Variants in GML observed in about 807,000 individuals in gnomAD.
GML encodes the protein glycosylphosphatidylinositol anchored molecule like.
In GML, 5 loss-of-function variants were observed where a neutral mutation model predicts 8.2. The observed-to-expected ratio is 0.61, with a 90% confidence interval of 0.32 to 1.28. The LOEUF is 1.28. Among genes scored for constraint, GML ranks in the 50% most tolerant of loss-of-function variants. The pLI is 0.06. For synonymous variants in GML, 72 were observed against 69.0 expected (o/e 1.04, Z -0.22); for missense variants, 191 against 198.3 (o/e 0.96, Z 0.22).
chr8:142,842,800 A>G (rs760476694), intron 3 of GML, among the ~76,000 whole-genome samples: 29 of 152,304 alleles, frequency 1.9e-4, no homozygotes, highest in South Asian at 4.1e-4. Context: ...GCCTTACTTG[A>G]GAGGATAACG....
At chr8:142,845,394 GT>G (rs1268809094) in intron 3 of GML, among the ~76,000 whole-genome samples, 10 of 152,198 alleles carry the variant, frequency 6.6e-5, no homozygotes, top group Admixed American at 6.5e-5. Flanking sequence ...CCATTGAGTT[GT>G]GGACTTATGG....
At chr8:142,842,787 A>C (rs1356205112) in intron 3 of GML, among the ~76,000 whole-genome samples, 3 of 152,224 alleles carry the variant, frequency 2.0e-5, no homozygotes, top group Non-Finnish European at 4.4e-5. Context: ...ACTCCTCTGC[A>C]CAGCCTTACT....
chr8:142,841,299 G>A, intron 3 of GML, 74 bp downstream of exon 3: 2 of 803,924 alleles, frequency 2.5e-6, no homozygotes, highest in Non-Finnish European at 4.5e-6. Context: ...GCCAGGGCCA[G>A]TCTGCTTTCT....
chr8:142,838,889 G>A (rs894054232), intron 1 of GML, among the ~76,000 whole-genome samples: 7 of 152,182 alleles, frequency 4.6e-5, no homozygotes, highest in African/African-American at 1.7e-4. Flanking sequence ...CTGTCTTCTA[G>A]TATTCCATTG....
intron 3 of GML, among the ~76,000 whole-genome samples, chr8:142,841,452 C>T (rs1328212055): frequency 1.3e-5 from 2 of 152,162 alleles, no homozygotes; most frequent in African/African-American, 4.8e-5. Context: ...ACAATCTGTC[C>T]ACACATCTGC....
intron 1 of GML, among the ~76,000 whole-genome samples, chr8:142,836,540 T>G (rs1816344789): frequency 6.6e-6 from 1 of 152,242 alleles, no homozygotes; most frequent in Non-Finnish European, 1.5e-5. Flanking sequence ...GAGTGAACTG[T>G]GGGTTTATTT....
intron 1 of GML, among the ~76,000 whole-genome samples, chr8:142,835,771 A>G (rs1266073784): frequency 6.6e-6 from 1 of 152,176 alleles, no homozygotes; most frequent in Non-Finnish European, 1.5e-5. Context: ...CCGAAACTGC[A>G]TTCGGCTCTG....
chr8:142,841,166 A>C lies in GML; in HGVS notation c.122A>C (p.Asn41Thr), dbSNP rs370005420. ...GACTGTGCGGTCATAAATGACTTCA[A>C]CTGTCCCAACATTAGAGTATGTCCG... is the stretch of plus-strand genomic sequence containing the variant. ...CHDCAVINDF[N>T]CPNIRVCPYH... The change falls in exon 3 of 4, where the codon AAC becomes ACC. Residue 41 changes from asparagine (N) to threonine (T), a missense_variant. Physicochemically the swap from Asn to Thr is moderately conservative, Grantham distance 65. Transcript: ENST00000220940. 2.8e-5 allele frequency: 44 copies of C among 1,592,108 alleles called. 1 individual carries two copies. In the South Asian group the frequency reaches 4.3e-4, roughly 16 times the overall value.
intron 3 of GML, among the ~76,000 whole-genome samples, chr8:142,842,548 A>G (rs1816447841): frequency 6.6e-6 from 1 of 152,216 alleles, no homozygotes; most frequent in Non-Finnish European, 1.5e-5. Flanking sequence ...CTTGAGTGAG[A>G]TTCGCAAGGT....
intron 1 of GML, 104 bp from the exon 2 acceptor site, chr8:142,840,312 T>G (rs1586543904): frequency 1.4e-6 from 1 of 701,354 alleles, no homozygotes; most frequent in African/African-American, 1.8e-5. Context: ...GGCATTCAGG[T>G]GGGCAGAGTC....
chr8:142,841,126 A>T lies in GML; in HGVS notation c.82A>T (p.Ser28Cys). The T allele has an allele frequency of 6.6e-7, 1 of 1,518,314 alleles. No homozygotes were observed. The highest frequency in any genetic ancestry group is 9.2e-7 in the Non-Finnish European group (1 of 1,092,650). The allele number at this position is 1,518,314 out of a possible 1,614,324, so 94.1% of individuals were successfully genotyped here. ...GCTTTCTCCCCTCTCAGGGACTTACAGTTTGAGATGCCATGACTGTGCGGT... is the reference window on the plus strand; with the variant it reads ...GCTTTCTCCCCTCTCAGGGACTTACTGTTTGAGATGCCATGACTGTGCGGT... ...SATMRAQWTY[S>C]LRCHDCAVIN... Residue 28 changes from serine (S) to cysteine (C), a missense_variant, in exon 3 of 4, where the codon AGT becomes TGT. By Grantham distance (112) the Ser-to-Cys change is moderately radical. Coordinates refer to ENST00000220940, the MANE Select transcript of GML (RefSeq NM_002066.3).
chr8:142,843,034 A>G (rs1485005879), intron 3 of GML, among the ~76,000 whole-genome samples: 2 of 152,218 alleles, frequency 1.3e-5, no homozygotes, highest in Non-Finnish European at 2.9e-5. Flanking sequence ...GATGGATATT[A>G]GGACAAAGAA....
chr8:142,838,528 C>T (rs1333410481), intron 1 of GML, among the ~76,000 whole-genome samples: 3 of 152,144 alleles, frequency 2.0e-5, no homozygotes, highest in Non-Finnish European at 4.4e-5. Flanking sequence ...TTTATGATCA[C>T]ACAGTCATAC....
chr8:142,846,637 T>C lies in GML; in HGVS notation c.424T>C (p.Ser142Pro). 1 of 1,614,082 alleles carries C rather than the reference T, an allele frequency of 6.2e-7. No individual in the cohort carries two copies. Among genetic ancestry groups the C allele is most frequent in the Non-Finnish European group, 8.5e-7 (1 of 1,179,944 alleles). ...AGAAGGAACTGTGAGGCTGGGGGTA[T>C]CAAAACTGTTGCTGAGTTTTGCCTC... ...LPEGTVRLGVSKLLLSFASII... is the reference protein window; with the variant it reads ...LPEGTVRLGVPKLLLSFASII... The change falls in exon 4 of 4, where the codon TCA becomes CCA. Residue 142 changes from serine (S) to proline (P), a missense_variant. Coordinates refer to ENST00000220940, the MANE Select transcript of GML (RefSeq NM_002066.3).
chr8:142,841,191 G>T lies in GML; in HGVS notation c.147G>T (p.Pro49=). ...ACTGTCCCAACATTAGAGTATGTCC[G>T]TATCATATTAGGCGCTGTATGACAA... ...DFNCPNIRVC[P]YHIRRCMTIS... The change falls in exon 3 of 4, where the codon CCG becomes CCT. Residue 49 remains proline, a synonymous_variant. Transcript: ENST00000220940. 25 of 1,561,474 alleles carry T rather than the reference G, an allele frequency of 1.6e-5. No homozygotes were observed. Among genetic ancestry groups the T allele is most frequent in the Non-Finnish European group, 2.2e-5 (25 of 1,132,344 alleles).
chr8:142,840,754 C>T (rs945784584), intron 2 of GML, among the ~76,000 whole-genome samples: 7 of 152,126 alleles, frequency 4.6e-5, no homozygotes, highest in Admixed American at 1.3e-4. Flanking sequence ...TCTCCATCAG[C>T]GCCAGGCAGG....
At chr8:142,839,620 A>T (rs544427385) in intron 1 of GML, among the ~76,000 whole-genome samples, 1 of 152,318 alleles carries the variant, frequency 6.6e-6, no homozygotes, top group East Asian at 1.9e-4. Context: ...ACCTGCTCCC[A>T]ACCAGGGAGA....
intron 1 of GML, among the ~76,000 whole-genome samples, chr8:142,836,359 A>G (rs1234106833): frequency 2.6e-5 from 4 of 152,246 alleles, no homozygotes; most frequent in Admixed American, 2.6e-4. Context: ...ATTTAGGGTC[A>G]GAAGTATGGT....
intron 1 of GML, among the ~76,000 whole-genome samples, chr8:142,839,227 A>G (rs75880477): frequency 0.16 from 23,979 of 152,080 alleles, 2,315 homozygotes; most frequent in East Asian, 0.48. Context: ...GGCTGGCTGG[A>G]CGAGTCAGGA....
Sources: gnomAD v4.1 joint callset for allele counts (sites outside exome capture counted in the v4.1 genomes callset) on GRCh38, gnomAD v4.1.1 for gene constraint, MANE v1.5 for transcripts, NCBI Gene and HGNC (gene_info 2026-07-23, HGNC 2026-07-21) for gene names.